Variants in GHR observed in about 807,000 individuals in gnomAD.
GHR encodes growth hormone receptor.
GHR carries 35 observed loss-of-function variants against 67.1 expected under a neutral mutation model. That is an observed-to-expected ratio of 0.52 (90% CI 0.40 to 0.69). The LOEUF (loss-of-function observed/expected upper bound fraction) is 0.69, where lower values mean the gene tolerates loss of function less well. Among genes scored for constraint, GHR ranks in the 30% least tolerant of loss-of-function variants. The pLI is 0.00. For synonymous variants in GHR, 272 were observed against 269.1 expected, an observed-to-expected ratio of 1.01 and a Z score of -0.10; for missense variants, 792 against 764.6, an observed-to-expected ratio of 1.04 and a Z score of -0.42.
In GHR at chr5:42,478,342, G is replaced by C. The variant is rs565254201; in HGVS notation, c.-12+54387G>C. ...TGATGCCTCCAGCTTTGTTCTTTTG[G>C]CTTAGGATTGACTTAGCGATGCAGG... is the stretch of plus-strand genomic sequence containing the variant. On this transcript the variant is annotated intron_variant, in intron 1 of 9. Coordinates refer to ENST00000230882, the MANE Select transcript of GHR (RefSeq NM_000163.5). Among the ~76,000 whole-genome samples, 3 of 152,230 alleles carry C rather than the reference G, an allele frequency of 2.0e-5. No individual in the cohort carries two copies. In the East Asian group the frequency reaches 5.8e-4, roughly 29 times the overall value.
At position 42,583,878 on chromosome 5, in the gene GHR, G is replaced by GATATATATATATATAT. The variant is rs138386131; in HGVS notation, c.70+17938_70+17953dup. Among the ~76,000 whole-genome samples the GATATATATATATATAT allele has an allele frequency of 8.6e-5, 12 of 138,974 alleles. No homozygotes were observed. In the South Asian group the frequency reaches 2.5e-3, roughly 29 times the overall value. 91.2% of individuals were successfully genotyped at this position (138,974 alleles called of 152,430 possible). Reference sequence around the variant, plus strand: ...AAAGATATATATATCTTTAAATAAAGATATATATATATATATATAAATTCT... The same window carrying GATATATATATATATAT: ...AAAGATATATATATCTTTAAATAAAGATATATATATATATATATATATATATATATATATAAATTCT... On this transcript the variant is annotated intron_variant, in intron 2 of 9. Coordinates refer to ENST00000230882, the MANE Select transcript of GHR (RefSeq NM_000163.5).
intron 1 of GHR, chr5:42,467,113 T>C (rs538183950): frequency 6.3e-7 from 1 of 1,596,444 alleles, no homozygotes; most frequent in Admixed American, 1.7e-5. Flanking sequence ...TGTGAAGGCC[T>C]TCCCACATTC....
At position 42,718,744 on chromosome 5, in the gene GHR, C is replaced by G. The variant is rs753164154; in HGVS notation, c.1237C>G (p.Gln413Glu). The G allele has an allele frequency of 6.2e-7, 1 of 1,614,142 alleles. No homozygotes were observed. Among genetic ancestry groups the G allele is most frequent in the Non-Finnish European group, 8.5e-7 (1 of 1,180,020 alleles). The change falls in exon 10 of 10, where the codon CAG becomes GAG. Residue 413 changes from glutamine (Q) to glutamate (E), a missense_variant. Coordinates refer to ENST00000230882, the MANE Select transcript of GHR (RefSeq NM_000163.5). The part of the protein sequence containing the change: ...DIHEGTSEVA[Q>E]PQRLKGEADL... Reference sequence around the variant, plus strand: ...ACATGAGGGTACCTCAGAGGTTGCTCAGCCACAGAGGTTAAAAGGGGAAGC... The same window carrying G: ...ACATGAGGGTACCTCAGAGGTTGCTGAGCCACAGAGGTTAAAAGGGGAAGC...
chr5:42,695,575 T>A (rs1353695189), intron 5 of GHR, among the ~76,000 whole-genome samples: 1 of 152,168 alleles, frequency 6.6e-6, no homozygotes, highest in Admixed American at 6.6e-5. Context: ...ACAGCCACAG[T>A]TACTTTAAAG....
intron 2 of GHR, among the ~76,000 whole-genome samples, chr5:42,614,647 C>G (rs1157809666): frequency 8.1e-6 from 1 of 122,766 alleles, no homozygotes; most frequent in East Asian, 2.8e-4. Flanking sequence ...GAAATAATGA[C>G]TAAAGAAAAA....
At chr5:42,619,636 G>A (rs1045443158) in intron 2 of GHR, 1 of 152,018 alleles carries the variant, frequency 6.6e-6, no homozygotes, top group African/African-American at 2.4e-5. Flanking sequence ...CTCTAACTCA[G>A]GATTACTTTT....
chr5:42,613,905 T>C (rs1370830537), intron 2 of GHR, among the ~76,000 whole-genome samples: 1 of 151,970 alleles, frequency 6.6e-6, no homozygotes, highest in Admixed American at 6.6e-5. Flanking sequence ...AATGATTGAG[T>C]CAAGTGCAAA....
chr5:42,490,699 G>A (rs1448201764), intron 1 of GHR, among the ~76,000 whole-genome samples: 1 of 152,156 alleles, frequency 6.6e-6, no homozygotes, highest in Non-Finnish European at 1.5e-5. Context: ...AAAGTGATAT[G>A]GTAGTATCCA....
chr5:42,635,485 C>A (rs1754133457), intron 3 of GHR, among the ~76,000 whole-genome samples: 1 of 152,144 alleles, frequency 6.6e-6, no homozygotes, highest in African/African-American at 2.4e-5. Flanking sequence ...ATAATTAAAA[C>A]AACAGTCTTT....
chr5:42,602,599 C>T (rs553717959), intron 2 of GHR, among the ~76,000 whole-genome samples: 11 of 152,194 alleles, frequency 7.2e-5, no homozygotes, highest in Non-Finnish European at 1.5e-4. Flanking sequence ...CTCTTGCTCT[C>T]TTCTTCAGTG....
intron 1 of GHR, chr5:42,468,996 G>A: frequency 6.2e-6 from 2 of 324,462 alleles, no homozygotes; most frequent in Non-Finnish European, 1.2e-5. Context: ...TGTCAGGCAA[G>A]GTAAATTTCA....
intron 3 of GHR, among the ~76,000 whole-genome samples, chr5:42,650,462 C>T: frequency 6.6e-6 from 1 of 151,636 alleles, no homozygotes; most frequent in East Asian, 1.9e-4. Context: ...TGTAGGTCAT[C>T]AATTAATTTA....
At position 42,600,918 on chromosome 5, in the gene GHR, C is replaced by CTTTTTTTTTTTTTTT. The variant is rs933355797; in HGVS notation, c.71-28109_71-28095dup. Among the ~76,000 whole-genome samples the CTTTTTTTTTTTTTTT allele has an allele frequency of 9.4e-4, 63 of 66,700 alleles. 1 individual carries two copies. The highest frequency in any genetic ancestry group is 1.6e-3 in the Admixed American group (7 of 4,354). The allele number at this position is 66,700 out of a possible 152,430, so 43.8% of individuals were successfully genotyped here. Reference sequence around the variant, plus strand: ...GAAATTAAAATCTATTCTTTCTATTCTTTTTTTTTTTTTTTTTTTTTTTTT... The same window carrying CTTTTTTTTTTTTTTT: ...GAAATTAAAATCTATTCTTTCTATTCTTTTTTTTTTTTTTTTTTTTTTTTTTTTTTTTTTTTTTTT... On this transcript the variant is annotated intron_variant, in intron 2 of 9. Coordinates refer to ENST00000230882, the MANE Select transcript of GHR (RefSeq NM_000163.5).
chr5:42,659,983 C>T (rs568643890), intron 3 of GHR, among the ~76,000 whole-genome samples: 60 of 151,806 alleles, frequency 4.0e-4, no homozygotes, highest in African/African-American at 7.7e-4. Context: ...GAGGGTCCTA[C>T]GCCCACGGAG....
At chr5:42,596,663 T>C (rs995962200) in intron 2 of GHR, among the ~76,000 whole-genome samples, 2 of 152,160 alleles carry the variant, frequency 1.3e-5, no homozygotes, top group African/African-American at 2.4e-5. Context: ...TCAGTGTTTG[T>C]GGTTGCAGGT....
intron 1 of GHR, among the ~76,000 whole-genome samples, chr5:42,554,044 A>G (rs563211039): frequency 2.0e-5 from 3 of 152,302 alleles, no homozygotes; most frequent in African/African-American, 7.2e-5. Flanking sequence ...CAAAAGTTAT[A>G]TAGCACATTT....
At chr5:42,605,689 A>G (rs1399174370) in intron 2 of GHR, among the ~76,000 whole-genome samples, 1 of 152,174 alleles carries the variant, frequency 6.6e-6, no homozygotes, top group Non-Finnish European at 1.5e-5. Flanking sequence ...TTAAACATTT[A>G]CTTTGCTCTC....
chr5:42,680,986 T>A lies in GHR; in HGVS notation c.137-7904T>A, dbSNP rs542610842. Among the ~76,000 whole-genome samples the A allele has an allele frequency of 4.6e-5, 7 of 152,136 alleles. No homozygotes were observed. In the South Asian group the frequency reaches 1.5e-3, roughly 32 times the overall value. On this transcript the variant is annotated intron_variant, in intron 3 of 9. Coordinates refer to ENST00000230882, the MANE Select transcript of GHR (RefSeq NM_000163.5). ...CAAGATGGATTAAAGACTTAAATGT[T>A]AGGCCTAAAACCATAAAAACCCTAG...
chr5:42,467,368 G>A (rs988816657), intron 1 of GHR: 2 of 975,518 alleles, frequency 2.1e-6, no homozygotes, highest in Non-Finnish European at 3.3e-6. Flanking sequence ...GGCTTTGCCA[G>A]AATCGTTACA....
Sources: gnomAD v4.1 joint callset for allele counts (sites outside exome capture counted in the v4.1 genomes callset) on GRCh38, gnomAD v4.1.1 for gene constraint, MANE v1.5 for transcripts, NCBI Gene and HGNC (gene_info 2026-07-23, HGNC 2026-07-21) for gene names.